TAS1R3: variants seen among roughly 807,000 people sequenced by gnomAD.
TAS1R3 encodes taste receptor type 1 member 3.
Under a neutral mutation model 46.1 loss-of-function variants are expected in TAS1R3, and 58 were observed. The ratio of observed to expected loss-of-function variants is 1.26; its 90% CI spans 1.02 to 1.57. The LOEUF (loss-of-function observed/expected upper bound fraction) is 1.57, where lower values mean the gene tolerates loss of function less well. Ranked by LOEUF, TAS1R3 falls within the 40% of genes most tolerant of loss-of-function variation. The pLI, the probability that TAS1R3 is intolerant of heterozygous loss-of-function variation, is 0.00. For missense variants in TAS1R3, 1,422 were observed against 1,185.8 expected (o/e 1.20, Z -2.93); for synonymous variants, 724 against 544.7 (o/e 1.33, Z -4.58).
At chr1:1,333,401 C>A (rs201750146) in intron 5 of TAS1R3, 22 bp downstream of exon 5, 1 of 1,611,136 alleles carries the variant, frequency 6.2e-7, no homozygotes, top group Non-Finnish European at 8.5e-7. Context: ...TCCCGGCAGG[C>A]GGGGGTGGGA....
In TAS1R3 at chr1:1,331,877, C is replaced by T. The variant is rs766994620; in HGVS notation, c.431C>T (p.Pro144Leu). The T allele has an allele frequency of 2.5e-6, 4 of 1,612,736 alleles. No homozygotes were observed. The highest frequency in any genetic ancestry group is 3.4e-6 in the Non-Finnish European group (4 of 1,179,994). The stretch of plus-strand genomic sequence containing the variant: ...CCCCGTGTGCTGGCTGTCATCGGGC[C>T]CCACTCGTCAGAGCTCGCCATGGTC... Reference protein sequence around the residue: ...YQPRVLAVIGPHSSELAMVTG... With the variant: ...YQPRVLAVIGLHSSELAMVTG... Residue 144 changes from proline to leucine, a missense_variant, in exon 2 of 6, where the codon CCC becomes CTC. Transcript: ENST00000339381.
chr1:1,333,313 A>G lies in TAS1R3; in HGVS notation c.1534A>G (p.Lys512Glu). Reference protein sequence around the residue: ...QCQEGQVRRVKGFHSCCYDCV... With the variant: ...QCQEGQVRRVEGFHSCCYDCV... ...CCAGGAGGGCCAGGTGCGCCGGGTC[A>G]AGGGGTTCCACTCCTGCTGCTACGA... is the stretch of plus-strand genomic sequence containing the variant. The change falls in exon 5 of 6, where the codon AAG becomes GAG. Residue 512 changes from lysine to glutamate, a missense_variant. Lys to Glu is a moderately conservative substitution (Grantham distance 56). Transcript: ENST00000339381. The G allele has an allele frequency of 6.2e-7, 1 of 1,602,906 alleles. No individual in the cohort carries two copies.
chr1:1,334,112 C>A lies in TAS1R3; in HGVS notation c.2207C>A (p.Thr736Asn). 2 of 1,582,168 alleles carry A rather than the reference C, an allele frequency of 1.3e-6. No individual in the cohort carries two copies. Among genetic ancestry groups the A allele is most frequent in the Non-Finnish European group, 1.7e-6 (2 of 1,164,570 alleles). Residue 736 changes from threonine (T) to asparagine (N), a missense_variant, in exon 6 of 6, where the codon ACC (threonine) becomes AAC (asparagine). Coordinates refer to ENST00000339381, the MANE Select transcript of TAS1R3 (RefSeq NM_152228.3). The stretch of plus-strand genomic sequence containing the variant: ...GTCAGCTTCGGCCTAGCGCACGCCA[C>A]CAATGCCACGCTGGCCTTTCTCTGC... ...SWVSFGLAHA[T>N]NATLAFLCFL...
rs72634803 is a variant in TAS1R3 at position 1,334,752 on chromosome 1, G to A, written c.*288G>A. 9,303 of 362,840 alleles carry A rather than the reference G, an allele frequency of 0.026. 186 individuals are homozygous for A. The highest frequency in any genetic ancestry group is 0.037 in the South Asian group (582 of 15,798). 22.5% of individuals were successfully genotyped at this position (362,840 alleles called of 1,614,324 possible). ...GAAAGAGGCCCGGAGGGCTCCCAGG[G>A]TACCCGCAACCCACACCGTGAGCTC... On this transcript the variant is annotated 3_prime_UTR_variant, in exon 6 of 6. Coordinates refer to ENST00000339381, the MANE Select transcript of TAS1R3 (RefSeq NM_152228.3).
Position 1,332,680 on chromosome 1 carries a change from A to C in TAS1R3, c.1149A>C (p.Ala383=). The C allele has an allele frequency of 6.2e-7, 1 of 1,605,276 alleles. No individual in the cohort carries two copies. Among genetic ancestry groups the C allele is most frequent in the Non-Finnish European group, 8.5e-7 (1 of 1,179,602 alleles). The part of the protein sequence containing the change: ...CDCITLQNVS[A]GLNHHQTFSV... ...GCATCACGCTGCAGAACGTGAGCGC[A>C]GGGCTAAATCACCACCAGACGTTCT... is the stretch of plus-strand genomic sequence containing the variant. Residue 383 remains alanine, a synonymous_variant, in exon 3 of 6, where the codon GCA becomes GCC. Transcript: ENST00000339381.
At position 1,334,530 on chromosome 1, in the gene TAS1R3, G is replaced by A. The variant is rs929894951; in HGVS notation, c.*66G>A. ...CTGCGATCCCCCCCAAGCCAGCAAT[G>A]ACCCGTGTCTCGCTACAGAGACCCT... On this transcript the variant is annotated 3_prime_UTR_variant, in exon 6 of 6. Coordinates refer to ENST00000339381, the MANE Select transcript of TAS1R3 (RefSeq NM_152228.3). The A allele has an allele frequency of 2.5e-5, 36 of 1,432,594 alleles. No individual in the cohort carries two copies. Among genetic ancestry groups the A allele is most frequent in the Non-Finnish European group, 3.1e-5 (34 of 1,089,356 alleles). 88.7% of individuals were successfully genotyped at this position (1,432,594 alleles called of 1,614,324 possible).
In TAS1R3 at chr1:1,333,649, C is replaced by G. The variant is rs765607088; in HGVS notation, c.1744C>G (p.Leu582Val). The change falls in exon 6 of 6, where the codon CTT becomes GTT. Residue 582 changes from leucine to valine, a missense_variant. Transcript: ENST00000339381. ...CCTGCTGCTGAGCCTGGCGCTGGGCCTTGTGCTGGCTGCTTTGGGGCTGTT... is the reference window on the plus strand; with the variant it reads ...CCTGCTGCTGAGCCTGGCGCTGGGCGTTGTGCTGGCTGCTTTGGGGCTGTT... ...LLLLLSLALG[L>V]VLAALGLFVH... 1.2e-5 allele frequency: 20 copies of G among 1,612,002 alleles called. No homozygotes were observed. The South Asian group carries it at 2.2e-4, about 18-fold the overall frequency.
chr1:1,333,275 G>T lies in TAS1R3; in HGVS notation c.1496G>T (p.Cys499Phe). 1.3e-6 allele frequency: 2 copies of T among 1,597,198 alleles called. No homozygotes were observed. The highest frequency in any genetic ancestry group is 8.5e-7 in the Non-Finnish European group (1 of 1,173,452). The change falls in exon 5 of 6, where the codon TGC (cysteine) becomes TTC (phenylalanine). Residue 499 changes from cysteine to phenylalanine, a missense_variant. Transcript: ENST00000339381. Reference sequence around the variant, plus strand: ...TGTGCGCAGAAGCCCGTGTCCCGGTGCTCGCGGCAGTGCCAGGAGGGCCAG... The same window carrying T: ...TGTGCGCAGAAGCCCGTGTCCCGGTTCTCGCGGCAGTGCCAGGAGGGCCAG... ...TSDNQKPVSR[C>F]SRQCQEGQVR...
Position 1,333,137 on chromosome 1 carries a change from T to TGGGTGTGCC in TAS1R3, c.1479+14_1479+22dup, listed in dbSNP as rs1408161977. The TGGGTGTGCC allele has an allele frequency of 2.5e-6, 4 of 1,606,896 alleles. No homozygotes were observed. Among genetic ancestry groups the TGGGTGTGCC allele is most frequent in the South Asian group, 1.1e-5 (1 of 90,790 alleles). On this transcript the variant is annotated intron_variant, in intron 4 of 5. Coordinates refer to ENST00000339381, the MANE Select transcript of TAS1R3 (RefSeq NM_152228.3). ...GTCTGACAACCAGGTGAGGTGAGGG[T>TGGGTGTGCC]GGGTGTGCCAGGCGTGCCCGTGGTA...
chr1:1,334,682 G>A lies in TAS1R3; in HGVS notation c.*218G>A. On this transcript the variant is annotated 3_prime_UTR_variant, in exon 6 of 6. Coordinates refer to ENST00000339381, the MANE Select transcript of TAS1R3 (RefSeq NM_152228.3). Reference sequence around the variant, plus strand: ...AGCCAAGCTGTGTCCCTGTCCCTCTGTGCCCAGACCAGGCCTGCCCAGGTA... The same window carrying A: ...AGCCAAGCTGTGTCCCTGTCCCTCTATGCCCAGACCAGGCCTGCCCAGGTA... 1 of 576,188 alleles carries A rather than the reference G, an allele frequency of 1.7e-6. No homozygotes were observed. The highest frequency in any genetic ancestry group is 3.0e-5 in the East Asian group (1 of 33,510). 35.7% of individuals were successfully genotyped at this position (576,188 alleles called of 1,614,324 possible).
In TAS1R3 at chr1:1,333,931, C is replaced by T; in HGVS notation, c.2026C>T (p.Leu676=). 1 of 1,601,130 alleles carries T rather than the reference C, an allele frequency of 6.2e-7. No homozygotes were observed. The highest frequency in any genetic ancestry group is 8.5e-7 in the Non-Finnish European group (1 of 1,179,786). ...LSWADRLSGC[L]RGPWAWLVVL... ...CTGGGCAGACCGGCTGAGTGGCTGC[C>T]TGCGGGGGCCCTGGGCCTGGCTGGT... The change falls in exon 6 of 6, where the codon CTG becomes TTG. Residue 676 remains leucine, a synonymous_variant. Transcript: ENST00000339381.
At position 1,331,628 on chromosome 1, in the gene TAS1R3, G is replaced by A. The variant is rs768192733; in HGVS notation, c.192-10G>A. ...CCGAGGTGGCCATCTGCGGTTCTGT[G>A]TGGCCCCAGGTTCTCCTCAAACGGC... On this transcript the variant is annotated splice_polypyrimidine_tract_variant and intron_variant, in intron 1 of 5. Transcript: ENST00000339381. 1.5e-5 allele frequency: 24 copies of A among 1,608,276 alleles called. No homozygotes were observed. The highest frequency in any genetic ancestry group is 2.0e-5 in the Non-Finnish European group (24 of 1,176,580).
Position 1,333,603 on chromosome 1 carries a change from G to T in TAS1R3, c.1698G>T (p.Glu566Asp). 1 of 1,609,648 alleles carries T rather than the reference G, an allele frequency of 6.2e-7. No individual in the cohort carries two copies. The change falls in exon 6 of 6, where the codon GAG becomes GAT. Residue 566 changes from glutamate (E) to aspartate (D), a missense_variant. By Grantham distance (45) the Glu-to-Asp change is conservative (BLOSUM62 2). Coordinates refer to ENST00000339381, the MANE Select transcript of TAS1R3 (RefSeq NM_152228.3). ...RRRSRFLAWG[E>D]PAVLLLLLLL... ...GGTCTCGGTTCCTGGCATGGGGCGA[G>T]CCGGCTGTGCTGCTGCTGCTCCTGC... is the stretch of plus-strand genomic sequence containing the variant.
intron 4 of TAS1R3, 26 bp downstream of exon 4, chr1:1,333,150 C>CA: frequency 6.2e-7 from 1 of 1,603,886 alleles, no homozygotes; most frequent in Non-Finnish European, 8.5e-7. Flanking sequence ...GTGTGCCAGG[C>CA]GTGCCCGTGG....
Position 1,333,750 on chromosome 1 carries a change from C to T in TAS1R3, c.1845C>T (p.Gly615=), listed in dbSNP as rs1643488040. The T allele has an allele frequency of 6.9e-6, 11 of 1,599,896 alleles. No homozygotes were observed. Among genetic ancestry groups the T allele is most frequent in the Non-Finnish European group, 8.5e-6 (10 of 1,175,644 alleles). ...CCTGCTTTGGCCTGGTGTGCCTGGG[C>T]CTGGTCTGCCTCAGCGTCCTCCTGT... is the stretch of plus-strand genomic sequence containing the variant. ...PLACFGLVCL[G]LVCLSVLLFP... The change falls in exon 6 of 6, where the codon GGC becomes GGT. Residue 615 remains glycine (G), a synonymous_variant. Coordinates refer to ENST00000339381, the MANE Select transcript of TAS1R3 (RefSeq NM_152228.3).
chr1:1,334,023 G>A lies in TAS1R3; in HGVS notation c.2118G>A (p.Glu706=). The A allele has an allele frequency of 1.2e-6, 2 of 1,601,454 alleles. No homozygotes were observed. The highest frequency in any genetic ancestry group is 8.5e-7 in the Non-Finnish European group (1 of 1,179,696). Residue 706 remains glutamate, a synonymous_variant, in exon 6 of 6, where the codon GAG becomes GAA. Coordinates refer to ENST00000339381, the MANE Select transcript of TAS1R3 (RefSeq NM_152228.3). ...CTWYLVAFPP[E]VVTDWHMLPT... is the part of the protein sequence containing the mutation. ...GGTACCTGGTGGCCTTCCCGCCGGA[G>A]GTGGTGACGGACTGGCACATGCTGC...
At position 1,334,311 on chromosome 1, in the gene TAS1R3, C is replaced by G. The variant is rs769967165; in HGVS notation, c.2406C>G (p.Val802=). The G allele has an allele frequency of 1.9e-6, 3 of 1,611,784 alleles. No individual in the cohort carries two copies. The Admixed American group carries it at 5.0e-5, about 27-fold the overall frequency. The change falls in exon 6 of 6, where the codon GTC becomes GTG. Residue 802 remains valine (V), a synonymous_variant. Transcript: ENST00000339381. ...AGATGGGCGCCCTCCTGCTCTGTGT[C>G]CTGGGCATCCTGGCTGCCTTCCACC... ...AVQMGALLLC[V]LGILAAFHLP...
At position 1,332,090 on chromosome 1, in the gene TAS1R3, G is replaced by A. The variant is rs367684701; in HGVS notation, c.559G>A (p.Val187Met). 159 of 1,601,338 alleles carry A rather than the reference G, an allele frequency of 9.9e-5. No homozygotes were observed. The highest frequency in any genetic ancestry group is 1.2e-4 in the Non-Finnish European group (138 of 1,179,864). Reference protein sequence around the residue: ...RETFPSFFRTVPSDRVQLTAA... With the variant: ...RETFPSFFRTMPSDRVQLTAA... Reference sequence around the variant, plus strand: ...GACCTTCCCCTCCTTCTTCCGCACCGTGCCCAGCGACCGTGTGCAGCTGAC... The same window carrying A: ...GACCTTCCCCTCCTTCTTCCGCACCATGCCCAGCGACCGTGTGCAGCTGAC... The change falls in exon 3 of 6, where the codon GTG (valine) becomes ATG (methionine). Residue 187 changes from valine to methionine, a missense_variant. Transcript: ENST00000339381.
chr1:1,333,165 C>A, intron 4 of TAS1R3, 41 bp downstream of exon 4: 2 of 1,599,244 alleles, frequency 1.3e-6, no homozygotes, highest in South Asian at 2.2e-5. Context: ...CCGTGGTAGC[C>A]CCCGCGGCAG....
Sources: gnomAD v4.1 joint callset for allele counts on GRCh38, gnomAD v4.1.1 for gene constraint, MANE v1.5 for transcripts, NCBI Gene and HGNC (gene_info 2026-07-23, HGNC 2026-07-21) for gene names.